The following TRIM50 variants were observed in gnomAD, a reference collection of about 807,000 sequenced individuals.
TRIM50 encodes the protein tripartite motif containing 50, also known as E3 ubiquitin-protein ligase TRIM50.
TRIM50 carries 34 observed loss-of-function variants against 44.9 expected under a neutral mutation model. The ratio of observed to expected loss-of-function variants is 0.76; its 90% CI spans 0.58 to 1.01. The LOEUF is 1.01. TRIM50 is among the 50% of genes least tolerant of loss of function. The probability of loss-of-function intolerance (pLI) is 0.00; values close to 1 mark genes in which losing one functional copy is unlikely to be tolerated. For synonymous variants in TRIM50, 307 were observed against 291.1 expected (o/e 1.05, Z -0.56); for missense variants, 633 against 663.7 (o/e 0.95, Z 0.51).
Position 73,313,646 on chromosome 7 carries a change from A to AG in TRIM50, c.875-137_875-136insC. 1 of 674,724 alleles carries AG rather than the reference A, an allele frequency of 1.5e-6. No individual in the cohort carries two copies. The highest frequency in any genetic ancestry group is 2.5e-6 in the Non-Finnish European group (1 of 406,754). 41.8% of individuals were successfully genotyped at this position (674,724 alleles called of 1,614,324 possible). A position where few individuals can be genotyped will look rare whatever the true frequency, so the allele number is the denominator to read the frequency against. ...TCATCTCTCTAGCCCCAGGGTCTAG[A>AG]AGGGGCCAGTACAGGGCTGCTCCCT... On this transcript the variant is annotated intron_variant, in intron 6 of 6. Transcript: ENST00000333149. The surrounding 1 kb of genome is among the most constrained non-coding windows in gnomAD (Gnocchi z 4.9).
At chr7:73,318,762 C>T in intron 4 of TRIM50, 53 bp from the exon 5 acceptor site, 16 of 1,613,982 alleles carry the variant, frequency 9.9e-6, no homozygotes, top group Non-Finnish European at 1.3e-5. Flanking sequence ...AGCTAGGGCA[C>T]TGTTGGGAAG....
Position 73,313,235 on chromosome 7 carries a change from C to T in TRIM50, c.1150G>A (p.Val384Met), listed in dbSNP as rs202153646. 21 of 1,594,904 alleles carry T rather than the reference C, an allele frequency of 1.3e-5. No individual in the cohort carries two copies. In the East Asian group the frequency reaches 1.4e-4, roughly 10 times the overall value. Residue 384 changes from valine (V) to methionine (M), a missense_variant, in exon 7 of 7, where the codon GTG (valine) becomes ATG (methionine). Transcript: ENST00000333149. The surrounding 1 kb of genome is among the most constrained non-coding windows in gnomAD (Gnocchi z 4.9). The part of the protein sequence containing the change: ...GKLNRSPEHG[V>M]WLIGLKEGRV... ...CCCTCCTTCAGGCCGATCAGCCACA[C>T]GCCGTGCTCGGGGGACCTGTTCAGC...
At chr7:73,323,187 T>C (rs1554545316) in intron 2 of TRIM50, among the ~76,000 whole-genome samples, 1 of 152,206 alleles carries the variant, frequency 6.6e-6, no homozygotes, top group Non-Finnish European at 1.5e-5. Flanking sequence ...ATTTCATCAC[T>C]GGCTTAAAAC....
chr7:73,328,060 C>A lies in TRIM50; in HGVS notation c.-179G>T. On this transcript the variant is annotated 5_prime_UTR_variant, in exon 1 of 7. Coordinates refer to ENST00000333149, the MANE Select transcript of TRIM50 (RefSeq NM_178125.3). ...TGGTTACATGCCCCGCCTCGCGCTACCGCGCGTGCCCCATCATGCTCTGCG... is the reference window on the plus strand; with the variant it reads ...TGGTTACATGCCCCGCCTCGCGCTAACGCGCGTGCCCCATCATGCTCTGCG... 2.5e-6 allele frequency: 2 copies of A among 807,252 alleles called. No homozygotes were observed. Among genetic ancestry groups the A allele is most frequent in the Non-Finnish European group, 4.0e-6 (2 of 506,042 alleles). 50.0% of individuals were successfully genotyped at this position (807,252 alleles called of 1,614,324 possible).
At chr7:73,322,098 C>G (rs1804509639) in intron 2 of TRIM50, 1 of 152,246 alleles carries the variant, frequency 6.6e-6, no homozygotes, top group Non-Finnish European at 1.5e-5. Flanking sequence ...ACCTGGAATC[C>G]CAACTCTTTG....
chr7:73,313,224 G>C lies in TRIM50; in HGVS notation c.1161C>G (p.Ile387Met). 1.9e-6 allele frequency: 3 copies of C among 1,593,544 alleles called. No homozygotes were observed. The highest frequency in any genetic ancestry group is 1.1e-5 in the South Asian group (1 of 88,034). The stretch of plus-strand genomic sequence containing the variant: ...CGTACACCCGGCCCTCCTTCAGGCC[G>C]ATCAGCCACACGCCGTGCTCGGGGG... ...NRSPEHGVWL[I>M]GLKEGRVYEA... Residue 387 changes from isoleucine (I) to methionine (M), a missense_variant, in exon 7 of 7, where the codon ATC (isoleucine) becomes ATG (methionine). Physicochemically the swap from Ile to Met is conservative, Grantham distance 10 (BLOSUM62 1). Coordinates refer to ENST00000333149, the MANE Select transcript of TRIM50 (RefSeq NM_178125.3). This position sits in a 1 kb window ranked among gnomAD's most constrained non-coding sequence, Gnocchi z 4.9.
In TRIM50 at chr7:73,324,712, G is replaced by A. The variant is rs1804581916; in HGVS notation, c.76C>T (p.Pro26Ser). 2 of 1,614,082 alleles carry A rather than the reference G, an allele frequency of 1.2e-6. No individual in the cohort carries two copies. The highest frequency in any genetic ancestry group is 1.1e-5 in the South Asian group (1 of 91,088). Reference sequence around the variant, plus strand: ...GAGTGGCCACACTGCAGCATCAGGGGCTCCTTGAAGACCTCCAGGCAGATG... The same window carrying A: ...GAGTGGCCACACTGCAGCATCAGGGACTCCTTGAAGACCTCCAGGCAGATG... ...CPICLEVFKEPLMLQCGHSYC... is the reference protein window; with the variant it reads ...CPICLEVFKESLMLQCGHSYC... The change falls in exon 2 of 7, where the codon CCC becomes TCC. Residue 26 changes from proline to serine, a missense_variant. Physicochemically the swap from Pro to Ser is moderately conservative, Grantham distance 74. Transcript: ENST00000333149.
At chr7:73,324,021 C>G (rs1277192692) in intron 2 of TRIM50, among the ~76,000 whole-genome samples, 1 of 150,504 alleles carries the variant, frequency 6.6e-6, no homozygotes, top group Non-Finnish European at 1.5e-5. Context: ...GCCTGGGCAA[C>G]AGAGTGAGAC....
rs1804682345 is a variant in TRIM50, at chr7:73,327,998, C to A, written c.-117G>T. On this transcript the variant is annotated 5_prime_UTR_variant, in exon 1 of 7. Coordinates refer to ENST00000333149, the MANE Select transcript of TRIM50 (RefSeq NM_178125.3). ...AGCTCCAATTACGTGCCCCACCTAA[C>A]CCCCCACGTCCGTGCCTCATCATGA... 6.7e-6 allele frequency: 4 copies of A among 596,770 alleles called. No individual in the cohort carries two copies. Among genetic ancestry groups the A allele is most frequent in the South Asian group, 2.0e-5 (1 of 49,866 alleles). 37.0% of individuals were successfully genotyped at this position (596,770 alleles called of 1,614,324 possible). A position where few individuals can be genotyped will look rare whatever the true frequency, so the allele number is the denominator to read the frequency against.
rs1804680412 is a variant in TRIM50 at position 73,327,934 on chromosome 7, T to C, written c.-53A>G. 1.2e-5 allele frequency: 6 copies of C among 506,108 alleles called. No individual in the cohort carries two copies. In the East Asian group the frequency reaches 2.1e-4, roughly 18 times the overall value. The allele number at this position is 506,108 out of a possible 1,614,324, so 31.4% of individuals were successfully genotyped here. Reference sequence around the variant, plus strand: ...GGCCCCTGTAAGTGCCCCATCGTGCTCTCTGTCGCTCCAGTTAGATGCCCC... The same window carrying C: ...GGCCCCTGTAAGTGCCCCATCGTGCCCTCTGTCGCTCCAGTTAGATGCCCC... On this transcript the variant is annotated 5_prime_UTR_variant, in exon 1 of 7. Coordinates refer to ENST00000333149, the MANE Select transcript of TRIM50 (RefSeq NM_178125.3).
Position 73,321,672 on chromosome 7 carries a change from G to A in TRIM50, c.400-1430C>T, listed in dbSNP as rs771981128. On this transcript the variant is annotated intron_variant, in intron 2 of 6. Coordinates refer to ENST00000333149, the MANE Select transcript of TRIM50 (RefSeq NM_178125.3). Reference sequence around the variant, plus strand: ...ATTTGACCAGAGCCCCCGTCGGTTTGTACCCATGCAATATACAGAATTTTT... The same window carrying A: ...ATTTGACCAGAGCCCCCGTCGGTTTATACCCATGCAATATACAGAATTTTT... Among the ~76,000 whole-genome samples, 6 of 152,332 alleles carry A rather than the reference G, an allele frequency of 3.9e-5. No individual in the cohort carries two copies. In the East Asian group the frequency reaches 7.7e-4, roughly 20 times the overall value.
intron 2 of TRIM50, among the ~76,000 whole-genome samples, chr7:73,322,309 A>G (rs548074364): frequency 1.8e-3 from 273 of 152,306 alleles, no homozygotes; most frequent in Non-Finnish European, 2.4e-3. Flanking sequence ...AGATCGCACC[A>G]CTGCGCTCCA....
chr7:73,316,868 A>AG, intron 5 of TRIM50, 179 bp from the exon 6 acceptor site: 2 of 900,376 alleles, frequency 2.2e-6, no homozygotes, highest in Non-Finnish European at 3.2e-6. Context: ...TCTCCTTCCT[A>AG]GAAGGGGAAA....
chr7:73,324,219 G>A (rs145895869), intron 2 of TRIM50, among the ~76,000 whole-genome samples, 170 bp downstream of exon 2: 81 of 152,268 alleles, frequency 5.3e-4, no homozygotes, highest in African/African-American at 1.8e-3. Flanking sequence ...TTCAATCCCC[G>A]GCACCTGGGT....
chr7:73,326,325 A>G (rs1804625128), intron 1 of TRIM50, among the ~76,000 whole-genome samples: 2 of 148,544 alleles, frequency 1.3e-5, no homozygotes, highest in African/African-American at 5.0e-5. Flanking sequence ...CTGGTTTTGA[A>G]CTCCCGGCCT....
Position 73,313,551 on chromosome 7 carries a change from G to A in TRIM50, c.875-41C>T. 1.4e-6 allele frequency: 2 copies of A among 1,442,462 alleles called. No individual in the cohort carries two copies. Among genetic ancestry groups the A allele is most frequent in the South Asian group, 1.4e-5 (1 of 70,572 alleles). The allele number at this position is 1,442,462 out of a possible 1,614,324, so 89.4% of individuals were successfully genotyped here. A position where few individuals can be genotyped will look rare whatever the true frequency, so the allele number is the denominator to read the frequency against. ...CAGAGGGTCTGTGAGGCCACGTGGA[G>A]GGCAGCAGACCCGGCCCACAGAAGC... On this transcript the variant is annotated intron_variant, in intron 6 of 6. Coordinates refer to ENST00000333149, the MANE Select transcript of TRIM50 (RefSeq NM_178125.3). This position sits in a 1 kb window ranked among gnomAD's most constrained non-coding sequence, Gnocchi z 4.9.
chr7:73,324,737 G>A lies in TRIM50; in HGVS notation c.51C>T (p.Pro17=). Residue 17 remains proline, a synonymous_variant, in exon 2 of 7, where the codon CCC becomes CCT. Transcript: ENST00000333149. Reference sequence around the variant, plus strand: ...GCTCCTTGAAGACCTCCAGGCAGATGGGACACTGAAGCCGGTCCTCCAGCT... The same window carrying A: ...GCTCCTTGAAGACCTCCAGGCAGATAGGACACTGAAGCCGGTCCTCCAGCT... ...LPELEDRLQC[P]ICLEVFKEPL... 6.2e-7 allele frequency: 1 copy of A among 1,614,198 alleles called. No homozygotes were observed. Among genetic ancestry groups the A allele is most frequent in the Non-Finnish European group, 8.5e-7 (1 of 1,180,048 alleles).
chr7:73,316,799 A>ACAATGCCCAT, intron 5 of TRIM50, 110 bp from the exon 6 acceptor site: 1 of 1,489,282 alleles, frequency 6.7e-7, no homozygotes, highest in South Asian at 1.3e-5. Context: ...GACTGCAGTC[A>ACAATGCCCAT]CAATGCCCAT....
At chr7:73,320,330 C>T (rs1804466896) in intron 2 of TRIM50, 88 bp from the exon 3 acceptor site, 1 of 1,585,698 alleles carries the variant, frequency 6.3e-7, no homozygotes, top group African/African-American at 1.3e-5. Flanking sequence ...ATCCCAATGG[C>T]CACAAGCACT....
Sources: allele counts gnomAD v4.1 joint callset (sites outside exome capture counted in the v4.1 genomes callset), GRCh38; gene constraint gnomAD v4.1.1; non-coding constraint Gnocchi (gnomAD v3.1); transcripts MANE v1.5; gene names NCBI Gene and HGNC (gene_info 2026-07-23, HGNC 2026-07-21).